SGCD: variants seen among roughly 807,000 people sequenced by gnomAD.
SGCD encodes the protein sarcoglycan delta.
A neutral mutation model predicts 36.6 loss-of-function variants in SGCD; 18 were observed. The ratio of observed to expected loss-of-function variants is 0.49; its 90% CI spans 0.34 to 0.73. SGCD has a LOEUF of 0.73. Among genes scored for constraint, SGCD ranks in the 30% least tolerant of loss-of-function variants. The pLI is 0.01. For missense variants in SGCD, 387 were observed against 346.7 expected (o/e 1.12, Z -0.92); for synonymous variants, 133 against 130.6 (o/e 1.02, Z -0.12).
chr5:155,852,764 C>A, the SGCD span, among the ~76,000 whole-genome samples: 1 of 152,052 alleles, frequency 6.6e-6, no homozygotes, highest in Non-Finnish European at 1.5e-5. Context: ...TAGCGTGCAT[C>A]TTTTTGTTGT....
At chr5:156,385,942 A>T (rs1462871793) in intron 3 of SGCD, among the ~76,000 whole-genome samples, 1 of 152,170 alleles carries the variant, frequency 6.6e-6, no homozygotes, top group East Asian at 1.9e-4. Flanking sequence ...CCAGGTGGAG[A>T]TGTAGGAAAA....
At chr5:155,728,061 C>T in the SGCD span, among the ~76,000 whole-genome samples, 1 of 152,086 alleles carries the variant, frequency 6.6e-6, no homozygotes, top group African/African-American at 2.4e-5. Flanking sequence ...GAGCGGGGAG[C>T]TGGGGGAGCC....
At chr5:155,991,553 T>C (rs1464281625) in intron 1 of SGCD, among the ~76,000 whole-genome samples, 2 of 152,210 alleles carry the variant, frequency 1.3e-5, no homozygotes, top group Non-Finnish European at 2.9e-5. Flanking sequence ...GTGATCAAGA[T>C]AATTTAAAAA....
intron 7 of SGCD, among the ~76,000 whole-genome samples, chr5:156,678,378 A>G (rs1181755509): frequency 6.6e-6 from 1 of 152,202 alleles, no homozygotes; most frequent in Non-Finnish European, 1.5e-5. Context: ...GTAAAGTTTT[A>G]GAATAACTAT....
chr5:156,625,433 G>A (rs138150975), intron 6 of SGCD, among the ~76,000 whole-genome samples: 19 of 152,272 alleles, frequency 1.2e-4, no homozygotes, highest in African/African-American at 3.6e-4. Flanking sequence ...CCATAAACAC[G>A]ATTTTGAGAT....
chr5:156,118,180 T>C (rs987505129), intron 2 of SGCD, among the ~76,000 whole-genome samples: 25 of 152,146 alleles, frequency 1.6e-4, no homozygotes, highest in African/African-American at 6.0e-4. Flanking sequence ...ACTGTCTAGA[T>C]TTGAGGCTGT....
At chr5:155,796,615 C>A in the SGCD span, among the ~76,000 whole-genome samples, 2 of 151,488 alleles carry the variant, frequency 1.3e-5, no homozygotes, top group African/African-American at 4.9e-5. Flanking sequence ...ACCAGCCTGA[C>A]CAACATGGAG....
intron 1 of SGCD, among the ~76,000 whole-genome samples, chr5:156,006,104 T>A (rs1275684154): frequency 6.6e-6 from 1 of 152,204 alleles, no homozygotes; most frequent in Non-Finnish European, 1.5e-5. Context: ...TAGCCCTACC[T>A]CTAGTACGGA....
At chr5:156,732,725 C>CTCTT (rs1357944282) in intron 7 of SGCD, among the ~76,000 whole-genome samples, 1 of 152,056 alleles carries the variant, frequency 6.6e-6, no homozygotes, top group African/African-American at 2.4e-5. Context: ...TGGTCCTGGG[C>CTCTT]TCTTTTTGGT....
At chr5:155,907,778 T>C (rs1262595298) in intron 1 of SGCD, among the ~76,000 whole-genome samples, 2 of 152,114 alleles carry the variant, frequency 1.3e-5, no homozygotes, top group African/African-American at 4.8e-5. Context: ...ATTTTTGAAA[T>C]AACTAGAAAA....
chr5:156,347,962 A>G (rs1483171414), intron 3 of SGCD, among the ~76,000 whole-genome samples: 1 of 152,220 alleles, frequency 6.6e-6, no homozygotes, highest in African/African-American at 2.4e-5. Flanking sequence ...GTTATTAGGC[A>G]TAATTGGTAC....
intron 4 of SGCD, among the ~76,000 whole-genome samples, chr5:156,516,996 TCAAAAAACAAAA>T (rs1437118214): frequency 1.3e-5 from 2 of 151,990 alleles, no homozygotes; most frequent in East Asian, 1.9e-4. Context: ...AGGCTACATC[TCAAAAAACAAAA>T]CAAAAAACAA....
chr5:156,012,261 G>A lies in SGCD; in HGVS notation c.-281-105617G>A, dbSNP rs191606190. On this transcript the variant is annotated intron_variant, in intron 1 of 9. Transcript: ENST00000517913. The stretch of plus-strand genomic sequence containing the variant: ...AAATTCTCACCACGCTATCAAAAAT[G>A]CCACTTAAATGTTTTCATATTTGAC... 1.9e-3 allele frequency among the ~76,000 whole-genome samples: 286 copies of A among 152,254 alleles called. 2 individuals are homozygous for A. Among genetic ancestry groups the A allele is most frequent in the Middle Eastern group, 0.01 (3 of 294 alleles).
At chr5:156,330,868 T>A (rs1281394741) in intron 2 of SGCD, among the ~76,000 whole-genome samples, 1 of 152,216 alleles carries the variant, frequency 6.6e-6, no homozygotes, top group Non-Finnish European at 1.5e-5. Context: ...GGGTCCTGGC[T>A]GTGTGGCCAT....
chr5:155,914,814 C>A (rs1182595835), intron 1 of SGCD, among the ~76,000 whole-genome samples: 3 of 152,256 alleles, frequency 2.0e-5, no homozygotes, highest in Non-Finnish European at 4.4e-5. Flanking sequence ...AATGCTATTA[C>A]CCAGCAGTGA....
intron 4 of SGCD, among the ~76,000 whole-genome samples, chr5:156,524,288 T>C (rs1757558803): frequency 2.7e-5 from 1 of 36,546 alleles, no homozygotes; most frequent in Non-Finnish European, 6.5e-5. Context: ...TATATATAGT[T>C]ATATATATAT....
intron 7 of SGCD, among the ~76,000 whole-genome samples, chr5:156,655,353 G>A (rs987231362): frequency 3.3e-5 from 5 of 152,062 alleles, no homozygotes; most frequent in African/African-American, 9.7e-5. Context: ...GTTTGTTAAC[G>A]AAAACCAGAT....
At chr5:156,198,397 C>G (rs1312435081) in intron 3 of SGCD, among the ~76,000 whole-genome samples, 1 of 152,098 alleles carries the variant, frequency 6.6e-6, no homozygotes, top group Non-Finnish European at 1.5e-5. Context: ...TTGAGAGACA[C>G]CATGCTAGGT....
chr5:156,329,425 C>G, intron 1 of SGCD, 109 bp from the exon 2 acceptor site: 1 of 786,080 alleles, frequency 1.3e-6, no homozygotes, highest in Admixed American at 2.0e-5. Context: ...TGGAAGTAAT[C>G]AGAAAGCACA....
Sources: allele counts gnomAD v4.1 joint callset (sites outside exome capture counted in the v4.1 genomes callset), GRCh38; gene constraint gnomAD v4.1.1; transcripts MANE v1.5; gene names NCBI Gene and HGNC (gene_info 2026-07-23, HGNC 2026-07-21).